Variants in TMCO4 observed in about 807,000 individuals in gnomAD.
The protein encoded by TMCO4 is transmembrane and coiled-coil domains 4.
In TMCO4, 58 loss-of-function variants were observed where a neutral mutation model predicts 64.7. That is an observed-to-expected ratio of 0.90 (90% CI 0.73 to 1.12). The LOEUF (loss-of-function observed/expected upper bound fraction) is 1.12. Ranked by LOEUF, TMCO4 falls within the 50% of genes most tolerant of loss-of-function variation. The probability of loss-of-function intolerance (pLI) is 0.00; values close to 1 mark genes in which losing one functional copy is unlikely to be tolerated. For synonymous variants in TMCO4, 325 were observed against 346.1 expected, an observed-to-expected ratio of 0.94 and a Z score of 0.68; for missense variants, 780 against 825.9, an observed-to-expected ratio of 0.94 and a Z score of 0.68.
chr1:19,711,074 T>C (rs1266229154), intron 13 of TMCO4, among the ~76,000 whole-genome samples: 2 of 152,214 alleles, frequency 1.3e-5, no homozygotes, highest in African/African-American at 4.8e-5. Flanking sequence ...GAGTTAACAA[T>C]AGAACTTTGA....
intron 1 of TMCO4, 129 bp downstream of exon 1, chr1:19,799,726 A>G (rs1287351120): frequency 6.6e-6 from 1 of 152,058 alleles, no homozygotes; most frequent in Non-Finnish European, 1.5e-5. Context: ...CCCGGGGTGG[A>G]GGGCGGGGCG....
intron 7 of TMCO4, 115 bp from the exon 8 acceptor site, chr1:19,747,375 G>A: frequency 1.1e-6 from 1 of 902,556 alleles, no homozygotes; most frequent in Non-Finnish European, 1.8e-6. Context: ...CTGCCACTCA[G>A]AGTAAGGCAC....
chr1:19,755,021 C>T (rs1173908792), intron 7 of TMCO4, among the ~76,000 whole-genome samples: 2 of 152,276 alleles, frequency 1.3e-5, no homozygotes, highest in East Asian at 1.9e-4. Flanking sequence ...CAATTGTGCC[C>T]GTGAACCAGG....
chr1:19,706,467 G>C (rs1248545940), intron 13 of TMCO4, among the ~76,000 whole-genome samples: 6 of 152,168 alleles, frequency 3.9e-5, no homozygotes, highest in Non-Finnish European at 8.8e-5. Context: ...AAGACATTAG[G>C]AGAGCCCTAT....
At chr1:19,794,929 A>G (rs907514639) in intron 2 of TMCO4, among the ~76,000 whole-genome samples, 1 of 152,226 alleles carries the variant, frequency 6.6e-6, no homozygotes, top group Non-Finnish European at 1.5e-5. Context: ...GTAAGGTATG[A>G]GGAGTAGTCA....
chr1:19,783,690 A>G (rs190405894), intron 3 of TMCO4, among the ~76,000 whole-genome samples: 13 of 152,382 alleles, frequency 8.5e-5, no homozygotes, highest in Admixed American at 1.3e-4. Context: ...AGAAAGACCA[A>G]GCAATTTTCC....
At chr1:19,737,141 T>A (rs1387649149) in intron 13 of TMCO4, among the ~76,000 whole-genome samples, 1 of 152,238 alleles carries the variant, frequency 6.6e-6, no homozygotes, top group Non-Finnish European at 1.5e-5. Flanking sequence ...AAAGCCAGTG[T>A]CATTATTACA....
In TMCO4 at chr1:19,746,530, G is replaced by A; in HGVS notation, c.683C>T (p.Ala228Val). ...GAATIIGSAG[A>V]AALGSAAGIA... ...GCCGGCTGCTGAGCCCAGAGCCGCTGCCCCGGCGCTGCCAATAATCGTCGC... is the reference window on the plus strand; with the variant it reads ...GCCGGCTGCTGAGCCCAGAGCCGCTACCCCGGCGCTGCCAATAATCGTCGC... Residue 228 changes from alanine to valine, a missense_variant, in exon 9 of 16, where the codon GCA (alanine) becomes GTA (valine). Coordinates refer to ENST00000294543, the MANE Select transcript of TMCO4 (RefSeq NM_181719.7). 6.2e-7 allele frequency: 1 copy of A among 1,611,540 alleles called. No homozygotes were observed. The highest frequency in any genetic ancestry group is 8.5e-7 in the Non-Finnish European group (1 of 1,179,024).
At chr1:19,772,350 A>T (rs927344860) in intron 4 of TMCO4, among the ~76,000 whole-genome samples, 3 of 152,008 alleles carry the variant, frequency 2.0e-5, no homozygotes, top group African/African-American at 7.3e-5. Flanking sequence ...GGAAGAAGTG[A>T]AGGGAAGAGT....
intron 2 of TMCO4, among the ~76,000 whole-genome samples, chr1:19,791,228 G>C (rs1436009904): frequency 6.6e-6 from 1 of 151,786 alleles, no homozygotes; most frequent in East Asian, 1.9e-4. Flanking sequence ...CTAGGTGATG[G>C]GCTGCTAAGT....
In TMCO4 at chr1:19,682,639, C is replaced by T; in HGVS notation, c.*401G>A. The T allele has an allele frequency of 2.8e-6, 2 of 717,550 alleles. No individual in the cohort carries two copies. Among genetic ancestry groups the T allele is most frequent in the South Asian group, 3.0e-5 (2 of 67,596 alleles). 44.4% of individuals were successfully genotyped at this position (717,550 alleles called of 1,614,324 possible). A position where few individuals can be genotyped will look rare whatever the true frequency, so the allele number is the denominator to read the frequency against. On this transcript the variant is annotated 3_prime_UTR_variant, in exon 16 of 16. Transcript: ENST00000294543. ...GGCATGCACCTGGTTTTATTGAGGC[C>T]AGGGGAGAGCTGGTGTGGGAGCCTC...
chr1:19,792,765 A>ATTTTTTTTTT lies in TMCO4; in HGVS notation c.-101+5362_-101+5371dup, dbSNP rs71579823. On this transcript the variant is annotated intron_variant, in intron 2 of 15. Coordinates refer to ENST00000294543, the MANE Select transcript of TMCO4 (RefSeq NM_181719.7). ...GAGCAGTCAGTGAAGGTCAAGGTCA[A>ATTTTTTTTTT]TTTTTTTTTTTTTTTTTTTTTTTCA... 3.3e-5 allele frequency among the ~76,000 whole-genome samples: 3 copies of ATTTTTTTTTT among 89,648 alleles called. 1 individual carries two copies. The highest frequency in any genetic ancestry group is 2.1e-5 in the Non-Finnish European group (1 of 47,488). The allele number at this position is 89,648 out of a possible 152,430, so 58.8% of individuals were successfully genotyped here.
intron 6 of TMCO4, among the ~76,000 whole-genome samples, chr1:19,761,341 C>T (rs955991407): frequency 2.0e-5 from 3 of 152,222 alleles, no homozygotes; most frequent in African/African-American, 7.2e-5. Flanking sequence ...TCACGGCCTC[C>T]TTCTAAATCA....
intron 14 of TMCO4, among the ~76,000 whole-genome samples, chr1:19,697,015 C>T (rs1557464861): frequency 1.3e-5 from 2 of 152,180 alleles, no homozygotes; most frequent in South Asian, 4.1e-4. Context: ...GCCTCAGTCT[C>T]CTCAGGTTAT....
chr1:19,790,857 G>A (rs1338059785), intron 2 of TMCO4, among the ~76,000 whole-genome samples: 2 of 152,156 alleles, frequency 1.3e-5, no homozygotes, highest in African/African-American at 2.4e-5. Flanking sequence ...ATACCTGCAC[G>A]TGTATGTTCA....
At chr1:19,793,395 A>G (rs2044147819) in intron 2 of TMCO4, among the ~76,000 whole-genome samples, 1 of 152,196 alleles carries the variant, frequency 6.6e-6, no homozygotes, top group Admixed American at 6.5e-5. Context: ...CAGAAATGCC[A>G]AAGATCATAG....
At chr1:19,724,726 GT>G (rs2095401161) in intron 13 of TMCO4, among the ~76,000 whole-genome samples, 1 of 152,118 alleles carries the variant, frequency 6.6e-6, no homozygotes. Context: ...TTGAACTGAT[GT>G]TTCTAGACTC....
intron 2 of TMCO4, among the ~76,000 whole-genome samples, chr1:19,789,547 ATTT>A (rs1467665058): frequency 6.6e-6 from 1 of 152,074 alleles, no homozygotes; most frequent in Admixed American, 6.6e-5. Context: ...TGTTCTTTCT[ATTT>A]TTCTATATTT....
intron 6 of TMCO4, among the ~76,000 whole-genome samples, chr1:19,764,629 G>A (rs973432824): frequency 3.3e-5 from 5 of 152,162 alleles, no homozygotes; most frequent in African/African-American, 1.2e-4. Flanking sequence ...TTGGGAGGCC[G>A]AGGCAGGCAG....
Sources: allele counts gnomAD v4.1 joint callset (sites outside exome capture counted in the v4.1 genomes callset), GRCh38; gene constraint gnomAD v4.1.1; transcripts MANE v1.5; gene names NCBI Gene and HGNC (gene_info 2026-07-23, HGNC 2026-07-21).